The following UBE2R2 variants were observed in gnomAD, a reference collection of about 807,000 sequenced individuals.
UBE2R2 encodes the protein ubiquitin conjugating enzyme E2 R2.
Under a neutral mutation model 27.8 loss-of-function variants are expected in UBE2R2, and 1 was observed. That is an observed-to-expected ratio of 0.04 (90% CI 0.01 to 0.17). The LOEUF (loss-of-function observed/expected upper bound fraction) is 0.17. Ranked by LOEUF, UBE2R2 falls within the 10% of genes least tolerant of loss-of-function variation. The probability of loss-of-function intolerance (pLI) is 1.00; values close to 1 mark genes in which losing one functional copy is unlikely to be tolerated. For synonymous variants in UBE2R2, 106 were observed against 113.3 expected (o/e 0.94, Z 0.41); for missense variants, 100 against 291.0 (o/e 0.34, Z 4.78).
intron 1 of UBE2R2, among the ~76,000 whole-genome samples, chr9:33,877,823 G>GTCTGTCTGTCTGTCTGTCTCTCTT: frequency 0.018 from 2,407 of 131,096 alleles, 66 homozygotes; most frequent in African/African-American, 0.059. Flanking sequence ...CTGTCTGTCT[G>GTCTGTCTGTCTGTCTGTCTCTCTT]TCTCTCTCTC....
At chr9:33,821,719 G>C (rs536889809) in intron 1 of UBE2R2, among the ~76,000 whole-genome samples, 1 of 151,774 alleles carries the variant, frequency 6.6e-6, no homozygotes, top group Admixed American at 6.6e-5. Context: ...GGGTTCAAGC[G>C]ATTCTCTTGC....
In UBE2R2 at chr9:33,917,486, C is replaced by T. The variant is rs1462161886; in HGVS notation, c.*249C>T. The stretch of plus-strand genomic sequence containing the variant: ...TTACCCTTCCATCACTATATTGATT[C>T]TTTTTTTAAAAAATATGAACCCAAA... On this transcript the variant is annotated 3_prime_UTR_variant, in exon 5 of 5. Coordinates refer to ENST00000263228, the MANE Select transcript of UBE2R2 (RefSeq NM_017811.4). The T allele has an allele frequency of 1.7e-6, 1 of 571,586 alleles. No homozygotes were observed. Among genetic ancestry groups the T allele is most frequent in the African/African-American group, 1.9e-5 (1 of 52,962 alleles). 35.4% of individuals were successfully genotyped at this position (571,586 alleles called of 1,614,324 possible).
rs1015469181 is a variant in UBE2R2, at chr9:33,917,478, TATTG to T, written c.*245_*248del. 1.5e-5 allele frequency: 9 copies of T among 583,910 alleles called. No homozygotes were observed. The highest frequency in any genetic ancestry group is 2.9e-5 in the East Asian group (1 of 34,030). 36.2% of individuals were successfully genotyped at this position (583,910 alleles called of 1,614,324 possible). ...TGCATTCTTTACCCTTCCATCACTA[TATTG>T]ATTCTTTTTTTAAAAAATATGAACC... On this transcript the variant is annotated 3_prime_UTR_variant, in exon 5 of 5. Transcript: ENST00000263228.
intron 3 of UBE2R2, among the ~76,000 whole-genome samples, chr9:33,907,708 C>T (rs1439378118): frequency 2.0e-5 from 3 of 152,018 alleles, no homozygotes; most frequent in Non-Finnish European, 4.4e-5. Context: ...GTCTATTTTG[C>T]TAGTCCAACC....
At chr9:33,869,236 T>C (rs932891993) in intron 1 of UBE2R2, among the ~76,000 whole-genome samples, 3 of 152,098 alleles carry the variant, frequency 2.0e-5, no homozygotes, top group African/African-American at 4.8e-5. Context: ...GCCACTGTAC[T>C]CCCGCCAGGG....
chr9:33,878,614 T>C (rs919203377), intron 1 of UBE2R2, among the ~76,000 whole-genome samples: 7 of 152,086 alleles, frequency 4.6e-5, no homozygotes, highest in African/African-American at 1.2e-4. Context: ...TGAGACCCCG[T>C]CTCAAATTTA....
At chr9:33,858,588 G>A (rs139461160) in intron 1 of UBE2R2, among the ~76,000 whole-genome samples, 1 of 152,048 alleles carries the variant, frequency 6.6e-6, no homozygotes, top group Non-Finnish European at 1.5e-5. Context: ...TTTTGCTAGA[G>A]ATAGGGTTTT....
intron 3 of UBE2R2, among the ~76,000 whole-genome samples, chr9:33,907,474 TC>T (rs1281461974): frequency 6.6e-6 from 1 of 152,206 alleles, no homozygotes; most frequent in African/African-American, 2.4e-5. Flanking sequence ...CTAAGAACTC[TC>T]TGGCCCTCAT....
chr9:33,831,335 T>C (rs1820474246), intron 1 of UBE2R2, among the ~76,000 whole-genome samples: 1 of 152,206 alleles, frequency 6.6e-6, no homozygotes, highest in Non-Finnish European at 1.5e-5. Flanking sequence ...AGTTTACTTG[T>C]AATCATACCT....
intron 1 of UBE2R2, among the ~76,000 whole-genome samples, chr9:33,840,478 A>G (rs912985807): frequency 6.6e-6 from 1 of 152,126 alleles, no homozygotes; most frequent in African/African-American, 2.4e-5. Flanking sequence ...TTTGAATTTT[A>G]CTGATTGTAC....
At chr9:33,825,282 C>A (rs1232026930) in intron 1 of UBE2R2, among the ~76,000 whole-genome samples, 1 of 133,544 alleles carries the variant, frequency 7.5e-6, no homozygotes, top group Non-Finnish European at 1.5e-5. Flanking sequence ...GTCTCTGTTA[C>A]CCAAGCTGGA....
intron 2 of UBE2R2, among the ~76,000 whole-genome samples, chr9:33,897,024 A>ATTTTTTTTTTTTTTTTT (rs749987839): frequency 2.5e-5 from 1 of 40,596 alleles, no homozygotes; most frequent in Admixed American, 4.7e-4. Context: ...CTGTGGCCTA[A>ATTTTTTTTTTTTTTTTT]TTTTTTTTTT....
intron 1 of UBE2R2, among the ~76,000 whole-genome samples, chr9:33,882,380 G>A (rs1168174085): frequency 6.6e-6 from 1 of 152,098 alleles, no homozygotes; most frequent in South Asian, 2.1e-4. Context: ...TCTCCTGCCC[G>A]GGTTCAAGCA....
intron 1 of UBE2R2, among the ~76,000 whole-genome samples, chr9:33,859,056 C>T (rs1309530544): frequency 6.6e-6 from 1 of 152,024 alleles, no homozygotes; most frequent in African/African-American, 2.4e-5. Flanking sequence ...GAACTCCTGA[C>T]CTCATGATCC....
At chr9:33,873,112 T>A (rs568691434) in intron 1 of UBE2R2, among the ~76,000 whole-genome samples, 2 of 147,708 alleles carry the variant, frequency 1.4e-5, no homozygotes, top group South Asian at 4.2e-4. Context: ...GAGGTGGAGG[T>A]TGCAGTCAGC....
intron 1 of UBE2R2, among the ~76,000 whole-genome samples, chr9:33,884,198 A>ATCTCTCTCTC (rs777923492): frequency 0.024 from 1,515 of 63,454 alleles, 149 homozygotes; most frequent in South Asian, 0.081. Context: ...CAACTTAAGA[A>ATCTCTCTCTC]TCTCTCTCTC....
chr9:33,848,598 A>G (rs1310588552), intron 1 of UBE2R2, among the ~76,000 whole-genome samples: 1 of 151,742 alleles, frequency 6.6e-6, no homozygotes, highest in Non-Finnish European at 1.5e-5. Context: ...CCATACAGCT[A>G]TAAAATCTTT....
rs374671929 is a variant in UBE2R2, at chr9:33,918,446, T to C, written c.*1209T>C. 1.3e-5 allele frequency: 2 copies of C among 152,022 alleles called. No individual in the cohort carries two copies. The highest frequency in any genetic ancestry group is 1.9e-4 in the East Asian group (1 of 5,146). 9.4% of individuals were successfully genotyped at this position (152,022 alleles called of 1,614,324 possible). On this transcript the variant is annotated 3_prime_UTR_variant, in exon 5 of 5. Coordinates refer to ENST00000263228, the MANE Select transcript of UBE2R2 (RefSeq NM_017811.4). ...TGTGGAGTGCAAGCAGAATTATGCATAGAAATTGTGGCAGGGCTGAGGGAG... is the reference window on the plus strand; with the variant it reads ...TGTGGAGTGCAAGCAGAATTATGCACAGAAATTGTGGCAGGGCTGAGGGAG...
chr9:33,867,993 G>A (rs987251566), intron 1 of UBE2R2, among the ~76,000 whole-genome samples: 6 of 152,220 alleles, frequency 3.9e-5, no homozygotes, highest in Admixed American at 1.3e-4. Context: ...GTTCTTGTTC[G>A]GTGTCCAGGA....
Sources: allele counts gnomAD v4.1 joint callset (sites outside exome capture counted in the v4.1 genomes callset), GRCh38; gene constraint gnomAD v4.1.1; transcripts MANE v1.5; gene names NCBI Gene and HGNC (gene_info 2026-07-23, HGNC 2026-07-21).